FUCA1: variants seen among roughly 807,000 people sequenced by gnomAD.
The protein encoded by FUCA1 is tissue alpha-L-fucosidase.
FUCA1 carries 52 observed loss-of-function variants against 56.8 expected under a neutral mutation model. The observed-to-expected ratio is 0.92, with a 90% CI of 0.73 to 1.15. The LOEUF is 1.15. Among genes scored for constraint, FUCA1 ranks in the 50% most tolerant of loss-of-function variants. The pLI is 0.00. For synonymous variants in FUCA1, 230 were observed against 226.6 expected, an observed-to-expected ratio of 1.02 and a Z score of -0.14; for missense variants, 568 against 592.6, an observed-to-expected ratio of 0.96 and a Z score of 0.43.
At chr1:23,855,078 TAA>T (rs945331544) in intron 4 of FUCA1, among the ~76,000 whole-genome samples, 2 of 130,446 alleles carry the variant, frequency 1.5e-5, no homozygotes, top group African/African-American at 2.9e-5. Context: ...CTTACTTACG[TAA>T]AAAAAAAGTC....
chr1:23,854,299 T>G (rs1639343697), intron 5 of FUCA1, 61 bp downstream of exon 5: 2 of 1,339,638 alleles, frequency 1.5e-6, no homozygotes, highest in Non-Finnish European at 2.1e-6. Flanking sequence ...TTATATAAAA[T>G]AAATCATACT....
chr1:23,854,821 C>G lies in FUCA1; in HGVS notation c.769-261G>C, dbSNP rs74063315. The stretch of plus-strand genomic sequence containing the variant: ...CCTACAATGCACAGGACAGCCCCCA[C>G]AGCAAAGAAATATTCAGCCCTAAAT... On this transcript the variant is annotated intron_variant, in intron 4 of 7. Coordinates refer to ENST00000374479, the MANE Select transcript of FUCA1 (RefSeq NM_000147.5). Among the ~76,000 whole-genome samples, 169 of 152,272 alleles carry G rather than the reference C, an allele frequency of 1.1e-3. 1 individual carries two copies. The highest frequency in any genetic ancestry group is 3.7e-3 in the African/African-American group (152 of 41,570).
intron 4 of FUCA1, among the ~76,000 whole-genome samples, chr1:23,858,521 G>A (rs771420102): frequency 2.6e-5 from 4 of 152,154 alleles, no homozygotes; most frequent in South Asian, 2.1e-4. Flanking sequence ...TTGCAAGTAC[G>A]CTAAAATACA....
chr1:23,858,907 C>G (rs1165715954), intron 4 of FUCA1, among the ~76,000 whole-genome samples: 1 of 151,980 alleles, frequency 6.6e-6, no homozygotes, highest in Admixed American at 6.6e-5. Flanking sequence ...GGGACTACCT[C>G]CCGAGTAGCT....
intron 5 of FUCA1, among the ~76,000 whole-genome samples, chr1:23,849,668 C>T (rs537542822): frequency 2.7e-5 from 4 of 150,102 alleles, no homozygotes; most frequent in East Asian, 3.9e-4. Context: ...CTGCAACCTC[C>T]GCCTCCTGGG....
chr1:23,847,425 G>A (rs935416827), intron 6 of FUCA1, among the ~76,000 whole-genome samples: 3 of 151,824 alleles, frequency 2.0e-5, no homozygotes, highest in Non-Finnish European at 4.4e-5. Flanking sequence ...CACTACTATG[G>A]TTTGAATGCA....
chr1:23,852,448 TCC>T (rs1557508223), intron 5 of FUCA1, among the ~76,000 whole-genome samples: 5 of 120,050 alleles, frequency 4.2e-5, no homozygotes, highest in Non-Finnish European at 9.1e-5. Context: ...AACTCCCCTC[TCC>T]CTCTCCCTCT....
In FUCA1 at chr1:23,865,321, C is replaced by T. The variant is rs140913808; in HGVS notation, c.524+170G>A. On this transcript the variant is annotated intron_variant, in intron 2 of 7. Coordinates refer to ENST00000374479, the MANE Select transcript of FUCA1 (RefSeq NM_000147.5). ...CCAATTCAAAGGCCAGAAGCCCTTCCGGCTACTTGCTATATGCAAACCTAG... is the reference window on the plus strand; with the variant it reads ...CCAATTCAAAGGCCAGAAGCCCTTCTGGCTACTTGCTATATGCAAACCTAG... Among the ~76,000 whole-genome samples the T allele has an allele frequency of 5.3e-5, 8 of 152,260 alleles. No individual in the cohort carries two copies. The South Asian group carries it at 8.3e-4, about 16-fold the overall frequency.
chr1:23,858,405 G>C (rs1639438095), intron 4 of FUCA1, among the ~76,000 whole-genome samples: 1 of 152,174 alleles, frequency 6.6e-6, no homozygotes, highest in Non-Finnish European at 1.5e-5. Flanking sequence ...AGGTACCTCA[G>C]TACAAACTGC....
At chr1:23,845,987 G>A in intron 7 of FUCA1, 87 bp downstream of exon 7, 1 of 1,506,096 alleles carries the variant, frequency 6.6e-7, no homozygotes, top group South Asian at 1.1e-5. Context: ...GTGAATATGG[G>A]AGAAACCTGG....
At chr1:23,852,887 C>T (rs1225463637) in intron 5 of FUCA1, among the ~76,000 whole-genome samples, 4 of 152,034 alleles carry the variant, frequency 2.6e-5, no homozygotes, top group African/African-American at 9.6e-5. Flanking sequence ...CAGCCTCTGC[C>T]CGGCCGCCAC....
rs1326621703 is a variant in FUCA1, at chr1:23,853,048, C to T, written c.969+1312G>A. On this transcript the variant is annotated intron_variant, in intron 5 of 7. Transcript: ENST00000374479. ...GAAGTGAGGAGCACCTCTTCCCGGC[C>T]GCCATCCCATCTAGGAAGTGAGGAG... Among the ~76,000 whole-genome samples, 39 of 145,192 alleles carry T rather than the reference C, an allele frequency of 2.7e-4. 1 individual carries two copies. The highest frequency in any genetic ancestry group is 1.0e-3 in the African/African-American group (38 of 37,252).
chr1:23,857,532 CTG>C (rs925589078), intron 4 of FUCA1, among the ~76,000 whole-genome samples: 1 of 151,924 alleles, frequency 6.6e-6, no homozygotes, highest in Admixed American at 6.6e-5. Context: ...GAGTCTCGCT[CTG>C]TTGCGCAGGC....
intron 1 of FUCA1, among the ~76,000 whole-genome samples, chr1:23,866,817 G>A (rs1430108842): frequency 6.6e-6 from 1 of 152,138 alleles, no homozygotes; most frequent in Non-Finnish European, 1.5e-5. Context: ...TAAAAGGCAT[G>A]GAAAGAGGTT....
chr1:23,850,786 A>C (rs1639239046), intron 5 of FUCA1, among the ~76,000 whole-genome samples: 1 of 152,018 alleles, frequency 6.6e-6, no homozygotes, highest in Non-Finnish European at 1.5e-5. Flanking sequence ...GTGCCTGGCC[A>C]CTTATTTTTA....
chr1:23,864,198 T>C (rs1639573451), intron 2 of FUCA1, among the ~76,000 whole-genome samples: 1 of 150,172 alleles, frequency 6.7e-6, no homozygotes, highest in Non-Finnish European at 1.5e-5. Context: ...GCCATTCTCC[T>C]ACCTCAGCCT....
intron 4 of FUCA1, among the ~76,000 whole-genome samples, chr1:23,859,403 C>T (rs1639460313): frequency 6.6e-6 from 1 of 151,986 alleles, no homozygotes; most frequent in Admixed American, 6.6e-5. Context: ...CCTGTCTCTA[C>T]TAAAAACACA....
chr1:23,864,495 A>G (rs1399714632), intron 2 of FUCA1, among the ~76,000 whole-genome samples: 12 of 152,220 alleles, frequency 7.9e-5, no homozygotes, highest in Non-Finnish European at 7.3e-5. Flanking sequence ...CAAAAACCTT[A>G]TAATGCAAGA....
chr1:23,854,153 T>C (rs544058543), intron 5 of FUCA1, among the ~76,000 whole-genome samples: 3 of 152,038 alleles, frequency 2.0e-5, no homozygotes, highest in Non-Finnish European at 2.9e-5. Context: ...CCAACACCGT[T>C]AAAGCCCTTT....
Sources: gnomAD v4.1 joint callset for allele counts (sites outside exome capture counted in the v4.1 genomes callset) on GRCh38, gnomAD v4.1.1 for gene constraint, MANE v1.5 for transcripts, NCBI Gene and HGNC (gene_info 2026-07-23, HGNC 2026-07-21) for gene names.